ACOXL: variants seen among roughly 807,000 people sequenced by gnomAD.
The protein encoded by ACOXL is acyl-CoA oxidase like.
ACOXL carries 70 observed loss-of-function variants against 71.9 expected under a neutral mutation model. The ratio of observed to expected loss-of-function variants is 0.97; its 90% CI spans 0.80 to 1.19. The LOEUF (loss-of-function observed/expected upper bound fraction) is 1.19, where lower values mean the gene tolerates loss of function less well. Ranked by LOEUF, ACOXL falls within the 50% of genes most tolerant of loss-of-function variation. The pLI is 0.00. For missense variants in ACOXL, 703 were observed against 736.3 expected, an observed-to-expected ratio of 0.95 and a Z score of 0.52; for synonymous variants, 253 against 281.6, an observed-to-expected ratio of 0.90 and a Z score of 1.02.
intron 9 of ACOXL, among the ~76,000 whole-genome samples, chr2:110,817,535 T>G (rs1688058594): frequency 6.6e-6 from 1 of 152,176 alleles, no homozygotes; most frequent in Non-Finnish European, 1.5e-5. Context: ...CTTCTGTGCT[T>G]CTTGCTTGGG....
intron 1 of ACOXL, among the ~76,000 whole-genome samples, chr2:110,763,270 A>C (rs1034436174): frequency 6.6e-6 from 1 of 152,224 alleles, no homozygotes; most frequent in Non-Finnish European, 1.5e-5. Flanking sequence ...GACAGCCACT[A>C]CTGGCTTCAT....
At chr2:110,781,051 A>G (rs945850227) in intron 2 of ACOXL, among the ~76,000 whole-genome samples, 1 of 152,158 alleles carries the variant, frequency 6.6e-6, no homozygotes, top group African/African-American at 2.4e-5. Flanking sequence ...GAAAGAAAAG[A>G]GAACAGTGGT....
At chr2:111,051,933 C>A (rs2066308225) in intron 16 of ACOXL, among the ~76,000 whole-genome samples, 1 of 152,122 alleles carries the variant, frequency 6.6e-6, no homozygotes, top group African/African-American at 2.4e-5. Flanking sequence ...TTGTCCCAGG[C>A]AGCCTAATTT....
At chr2:110,856,561 A>G (rs1023468671) in intron 10 of ACOXL, among the ~76,000 whole-genome samples, 5 of 152,242 alleles carry the variant, frequency 3.3e-5, no homozygotes, top group African/African-American at 1.2e-4. Context: ...GCTAAGATCT[A>G]CAGAAAGAAG....
chr2:110,799,186 T>TC, intron 7 of ACOXL, 86 bp downstream of exon 7: 1 of 1,370,580 alleles, frequency 7.3e-7, no homozygotes, highest in Non-Finnish European at 1.0e-6. Context: ...TACGTTATAT[T>TC]ACCGAAGCAC....
intron 1 of ACOXL, among the ~76,000 whole-genome samples, chr2:110,736,009 C>G (rs1676791144): frequency 6.6e-6 from 1 of 152,128 alleles, no homozygotes; most frequent in Non-Finnish European, 1.5e-5. Flanking sequence ...ACTTGTAGCT[C>G]CTGGCTGCTT....
In ACOXL at chr2:111,069,377, C is replaced by T. The variant is rs191010088; in HGVS notation, c.1440+20089C>T. Reference sequence around the variant, plus strand: ...ATGTTGGCCAGGCTGGTCTTGAACTCCTGACCTCAGGTGATCTTCCTGCCT... The same window carrying T: ...ATGTTGGCCAGGCTGGTCTTGAACTTCTGACCTCAGGTGATCTTCCTGCCT... On this transcript the variant is annotated intron_variant, in intron 16 of 17. Transcript: ENST00000439055. Among the ~76,000 whole-genome samples, 134 of 152,198 alleles carry T rather than the reference C, an allele frequency of 8.8e-4. 1 individual carries two copies. Among genetic ancestry groups the T allele is most frequent in the African/African-American group, 2.9e-3 (119 of 41,524 alleles).
chr2:110,743,772 T>C (rs1677834400), intron 1 of ACOXL, among the ~76,000 whole-genome samples: 1 of 152,212 alleles, frequency 6.6e-6, no homozygotes, highest in Non-Finnish European at 1.5e-5. Context: ...CTGCCTTCCC[T>C]TGTGGTGCCT....
intron 10 of ACOXL, among the ~76,000 whole-genome samples, chr2:110,855,084 G>T (rs1693074569): frequency 6.6e-6 from 1 of 152,166 alleles, no homozygotes; most frequent in Non-Finnish European, 1.5e-5. Flanking sequence ...GGAAACATTA[G>T]GTGTTGGAGG....
At chr2:110,817,175 G>A (rs559647234) in intron 9 of ACOXL, among the ~76,000 whole-genome samples, 1 of 152,344 alleles carries the variant, frequency 6.6e-6, no homozygotes, top group Admixed American at 6.5e-5. Flanking sequence ...GAGAGAAGGA[G>A]CTGCCACGTG....
chr2:110,858,777 G>A (rs1573867347), intron 10 of ACOXL, among the ~76,000 whole-genome samples: 1 of 152,186 alleles, frequency 6.6e-6, no homozygotes, highest in East Asian at 1.9e-4. Flanking sequence ...AAATATCACG[G>A]TGCCAGGCAG....
intron 12 of ACOXL, among the ~76,000 whole-genome samples, chr2:110,972,669 ACAC>A (rs2062259468): frequency 1.3e-5 from 2 of 152,042 alleles, no homozygotes; most frequent in African/African-American, 4.8e-5. Flanking sequence ...ACACACACAC[ACAC>A]ACACAAAATT....
At chr2:110,831,371 A>G (rs765844058) in intron 9 of ACOXL, among the ~76,000 whole-genome samples, 2 of 152,230 alleles carry the variant, frequency 1.3e-5, no homozygotes, top group Non-Finnish European at 2.9e-5. Flanking sequence ...TAATTGCTCA[A>G]AAAATACATA....
chr2:110,764,724 A>T (rs1680829848), intron 1 of ACOXL, among the ~76,000 whole-genome samples: 1 of 152,182 alleles, frequency 6.6e-6, no homozygotes, highest in Non-Finnish European at 1.5e-5. Context: ...TTTGATAGTG[A>T]GGGAGGCTAT....
intron 10 of ACOXL, among the ~76,000 whole-genome samples, chr2:110,846,914 G>T (rs1380063645): frequency 6.6e-6 from 1 of 152,164 alleles, no homozygotes; most frequent in East Asian, 1.9e-4. Context: ...GAGAGCCTCT[G>T]CCATGACTGC....
At chr2:110,736,199 C>T (rs1573253597) in intron 1 of ACOXL, among the ~76,000 whole-genome samples, 1 of 152,196 alleles carries the variant, frequency 6.6e-6, no homozygotes, top group South Asian at 2.1e-4. Context: ...TTTCCTCCTA[C>T]AGCCATTTTT....
At chr2:110,754,866 A>G (rs2104839715) in intron 1 of ACOXL, among the ~76,000 whole-genome samples, 1 of 152,370 alleles carries the variant, frequency 6.6e-6, no homozygotes, top group African/African-American at 2.4e-5. Context: ...TTGCGATTGC[A>G]CATGAAAAGT....
rs148517231 is a variant in ACOXL, at chr2:110,857,095, G to T, written c.788+15690G>T. ...GATTCCTGAAGTGGGGCAGTTTCAG[G>T]GTGGTTATTTCAGGGGCTCCGTGAC... On this transcript the variant is annotated intron_variant, in intron 10 of 17. Transcript: ENST00000439055. 2.4e-3 allele frequency among the ~76,000 whole-genome samples: 358 copies of T among 152,286 alleles called. 1 individual carries two copies. Among genetic ancestry groups the T allele is most frequent in the African/African-American group, 8.1e-3 (336 of 41,550 alleles).
chr2:110,738,464 A>G (rs779106282), intron 1 of ACOXL, among the ~76,000 whole-genome samples: 4 of 152,188 alleles, frequency 2.6e-5, no homozygotes, highest in Non-Finnish European at 5.9e-5. Context: ...ATTGACTGAA[A>G]GTTTTTGTGG....
Sources: gnomAD v4.1 joint callset for allele counts (sites outside exome capture counted in the v4.1 genomes callset) on GRCh38, gnomAD v4.1.1 for gene constraint, MANE v1.5 for transcripts, NCBI Gene and HGNC (gene_info 2026-07-23, HGNC 2026-07-21) for gene names.